ANKRD27: variants seen among roughly 807,000 people sequenced by gnomAD.
ANKRD27 encodes ankyrin repeat domain-containing protein 27.
ANKRD27 carries 112 observed loss-of-function variants against 129.7 expected under a neutral mutation model. The observed-to-expected ratio is 0.86, with a 90% confidence interval of 0.74 to 1.01. The LOEUF (loss-of-function observed/expected upper bound fraction) is 1.01, where lower values mean the gene tolerates loss of function less well. Among genes scored for constraint, ANKRD27 ranks in the 50% least tolerant of loss-of-function variants. The pLI is 0.00. For missense variants in ANKRD27, 1,258 were observed against 1,300.5 expected, an observed-to-expected ratio of 0.97 and a Z score of 0.50; for synonymous variants, 516 against 511.2, an observed-to-expected ratio of 1.01 and a Z score of -0.13.
intron 1 of ANKRD27, among the ~76,000 whole-genome samples, chr19:32,669,627 C>T (rs1203749514): frequency 2.6e-5 from 4 of 152,142 alleles, no homozygotes; most frequent in Non-Finnish European, 4.4e-5. Context: ...ACTTCCACCC[C>T]GCAAGATGAG....
At chr19:32,602,454 G>A (rs1433025796) in intron 25 of ANKRD27, among the ~76,000 whole-genome samples, 4 of 152,074 alleles carry the variant, frequency 2.6e-5, no homozygotes, top group Admixed American at 2.6e-4. Flanking sequence ...CATATAGTAA[G>A]TACTCATTGA....
chr19:32,672,796 G>C (rs1967897578), intron 1 of ANKRD27: 1 of 152,442 alleles, frequency 6.6e-6, no homozygotes, highest in Non-Finnish European at 1.5e-5. Context: ...CCCTCCACCA[G>C]TATCTTGGGC....
chr19:32,604,346 C>A lies in ANKRD27; in HGVS notation c.2572G>T (p.Val858Leu). ...CCGTGGAGCAGAAGCAGCTCTACCA[C>A]GAAGACGTGCTTTTCAATCACAGCC... ...HEAVIEKHVFVVELLLLHGAS... is the reference protein window; with the variant it reads ...HEAVIEKHVFLVELLLLHGAS... Residue 858 changes from valine to leucine, a missense_variant, in exon 25 of 29, where the codon GTG becomes TTG. By Grantham distance (32) the Val-to-Leu change is conservative. Transcript: ENST00000306065. 1.2e-6 allele frequency: 2 copies of A among 1,613,926 alleles called. No homozygotes were observed. Among genetic ancestry groups the A allele is most frequent in the Non-Finnish European group, 8.5e-7 (1 of 1,179,838 alleles).
intron 1 of ANKRD27, among the ~76,000 whole-genome samples, chr19:32,668,866 C>T (rs984470676): frequency 6.6e-6 from 1 of 152,142 alleles, no homozygotes; most frequent in Admixed American, 6.6e-5. Flanking sequence ...CAGCACTCAT[C>T]CTATCTTAAT....
intron 22 of ANKRD27, among the ~76,000 whole-genome samples, chr19:32,610,956 G>A (rs12972705): frequency 1.3e-5 from 2 of 152,072 alleles, no homozygotes; most frequent in East Asian, 1.9e-4. Context: ...ACTCCAGCCT[G>A]GGTGACAGAG....
chr19:32,619,898 G>C (rs1971982456), intron 18 of ANKRD27, among the ~76,000 whole-genome samples: 1 of 152,162 alleles, frequency 6.6e-6, no homozygotes, highest in South Asian at 2.1e-4. Flanking sequence ...AGGCCTGTCT[G>C]TCCACAGGCA....
chr19:32,628,821 A>G lies in ANKRD27; in HGVS notation c.1238T>C (p.Val413Ala), dbSNP rs548642243. The G allele has an allele frequency of 3.7e-4, 590 of 1,614,006 alleles. 4 individuals carry two copies. The South Asian group carries it at 6.1e-3, about 17-fold the overall frequency. ...GTCCTCTTGGCTCAGAAGTCTCTCC[A>G]CTTCTTTCTGGTTACCTGATGCAAT... is the stretch of plus-strand genomic sequence containing the variant. Reference protein sequence around the residue: ...KHIASGNQKEVERLLSQEDHD... With the variant: ...KHIASGNQKEAERLLSQEDHD... The change falls in exon 14 of 29, where the codon GTG becomes GCG. Residue 413 changes from valine (V) to alanine (A), a missense_variant. Transcript: ENST00000306065.
intron 12 of ANKRD27, among the ~76,000 whole-genome samples, chr19:32,637,107 T>C (rs752219051): frequency 6.6e-6 from 1 of 152,092 alleles, no homozygotes; most frequent in Non-Finnish European, 1.5e-5. Context: ...AGACTGAAAA[T>C]GCATGAACGT....
At chr19:32,671,962 G>T (rs905907484) in intron 1 of ANKRD27, among the ~76,000 whole-genome samples, 1 of 152,122 alleles carries the variant, frequency 6.6e-6, no homozygotes, top group Admixed American at 6.6e-5. Context: ...AGTATTTCAG[G>T]GAGCAGCGTG....
intron 2 of ANKRD27, among the ~76,000 whole-genome samples, chr19:32,653,340 CAA>C (rs1397137757): frequency 6.6e-6 from 1 of 152,156 alleles, no homozygotes; most frequent in Non-Finnish European, 1.5e-5. Flanking sequence ...TTAAATCAGA[CAA>C]CTCAATAAAA....
chr19:32,643,801 G>A, intron 5 of ANKRD27, 170 bp from the exon 6 acceptor site: 1 of 641,990 alleles, frequency 1.6e-6, no homozygotes, highest in South Asian at 1.8e-5. Flanking sequence ...AAAAGCAGGA[G>A]AAACTTCCCC....
At chr19:32,643,674 A>G in intron 5 of ANKRD27, 43 bp from the exon 6 acceptor site, 1 of 1,607,370 alleles carries the variant, frequency 6.2e-7, no homozygotes, top group Non-Finnish European at 8.5e-7. Context: ...CTTACCAGCA[A>G]GGCCATGACG....
chr19:32,656,059 A>AAAAG (rs752509674), intron 2 of ANKRD27, among the ~76,000 whole-genome samples: 3,131 of 65,134 alleles, frequency 0.048, 78 homozygotes, highest in East Asian at 0.071. Context: ...GAAAAGAAAG[A>AAAAG]AAAGAAAGAA....
chr19:32,607,946 G>A (rs865875095), intron 22 of ANKRD27, 114 bp from the exon 23 acceptor site: 26 of 1,085,402 alleles, frequency 2.4e-5, no homozygotes, highest in African/African-American at 1.9e-4. Context: ...GGATCATGGC[G>A]GGATCCAGGA....
chr19:32,637,565 G>A (rs552065851), intron 12 of ANKRD27: 1 of 152,460 alleles, frequency 6.6e-6, no homozygotes, highest in Admixed American at 6.5e-5. Flanking sequence ...AGCTGCAGTG[G>A]AGGAAGCGCG....
chr19:32,642,472 G>C (rs1243069047), intron 9 of ANKRD27, among the ~76,000 whole-genome samples: 1 of 152,190 alleles, frequency 6.6e-6, no homozygotes, highest in African/African-American at 2.4e-5. Context: ...CGGCGCAGTG[G>C]CTCACGCCTG....
chr19:32,656,111 A>AAAG (rs1568417831), intron 2 of ANKRD27, among the ~76,000 whole-genome samples: 12 of 111,444 alleles, frequency 1.1e-4, no homozygotes, highest in African/African-American at 4.2e-4. Context: ...AAGAAAGAAA[A>AAAG]GAAAAGAAAA....
At position 32,622,280 on chromosome 19, in the gene ANKRD27, G is replaced by A. The variant is rs577528404; in HGVS notation, c.1827+142C>T. 24 of 849,364 alleles carry A rather than the reference G, an allele frequency of 2.8e-5. 1 individual carries two copies. Among genetic ancestry groups the A allele is most frequent in the South Asian group, 1.7e-4 (11 of 64,214 alleles). 52.6% of individuals were successfully genotyped at this position (849,364 alleles called of 1,614,324 possible). On this transcript the variant is annotated intron_variant, in intron 18 of 28. Transcript: ENST00000306065. ...ATCAGTAAAACCCATTAATGATGAC[G>A]TCCCACATGCGGCAGAAAGGGTGCA...
Position 32,603,371 on chromosome 19 carries a change from G to A in ANKRD27, c.2655+892C>T, listed in dbSNP as rs377463099. On this transcript the variant is annotated intron_variant, in intron 25 of 28. Coordinates refer to ENST00000306065, the MANE Select transcript of ANKRD27 (RefSeq NM_032139.3). ...AGTTGTGTCACTTAACAGCCTACTC[G>A]CTGTCTATCTTGGGTAGAAAACAAA... 2.7e-3 allele frequency among the ~76,000 whole-genome samples: 413 copies of A among 152,216 alleles called. 1 individual carries two copies. Among genetic ancestry groups the A allele is most frequent in the African/African-American group, 8.4e-3 (348 of 41,530 alleles).
Sources: gnomAD v4.1 joint callset for allele counts (sites outside exome capture counted in the v4.1 genomes callset) on GRCh38, gnomAD v4.1.1 for gene constraint, MANE v1.5 for transcripts, NCBI Gene and HGNC (gene_info 2026-07-23, HGNC 2026-07-21) for gene names.